PLCB1: variants seen among roughly 807,000 people sequenced by gnomAD.
PLCB1 encodes the protein phospholipase C beta 1, also known as 1-phosphatidylinositol 4,5-bisphosphate phosphodiesterase beta-1.
A neutral mutation model predicts 161.8 loss-of-function variants in PLCB1; 46 were observed. The observed-to-expected ratio is 0.28, with a 90% CI of 0.22 to 0.36. The LOEUF (loss-of-function observed/expected upper bound fraction) is 0.36, where lower values mean the gene tolerates loss of function less well. Among genes scored for constraint, PLCB1 ranks in the 10% least tolerant of loss-of-function variants. PLCB1 has a pLI of 1.00. For missense variants in PLCB1, 1,016 were observed against 1,472.5 expected (o/e 0.69, Z 5.07); for synonymous variants, 517 against 503.7 (o/e 1.03, Z -0.35).
At chr20:8,728,130 T>C (rs904669146) in intron 17 of PLCB1, among the ~76,000 whole-genome samples, 2 of 152,254 alleles carry the variant, frequency 1.3e-5, no homozygotes, top group Non-Finnish European at 2.9e-5. Context: ...GTATTCCTTA[T>C]TGACTGTGTG....
chr20:8,391,796 T>TACACACAC (rs1987605036), intron 3 of PLCB1, among the ~76,000 whole-genome samples: 2 of 122,796 alleles, frequency 1.6e-5, no homozygotes, highest in East Asian at 4.9e-4. Flanking sequence ...TATATATATA[T>TACACACAC]ATATATATAT....
chr20:8,389,818 C>A (rs1401528584), intron 3 of PLCB1, among the ~76,000 whole-genome samples: 1 of 152,114 alleles, frequency 6.6e-6, no homozygotes, highest in Non-Finnish European at 1.5e-5. Flanking sequence ...GTGCAGGCCA[C>A]ACCCCAATCA....
At chr20:8,516,701 ATATATATATG>A (rs1186786328) in intron 3 of PLCB1, among the ~76,000 whole-genome samples, 3,883 of 111,180 alleles carry the variant, frequency 0.035, 114 homozygotes, top group Non-Finnish European at 0.048. Flanking sequence ...ATATATATAT[ATATATATATG>A]TATTCCATTT....
At chr20:8,450,664 A>T (rs1163852647) in intron 3 of PLCB1, among the ~76,000 whole-genome samples, 4 of 152,138 alleles carry the variant, frequency 2.6e-5, no homozygotes, top group South Asian at 4.1e-4. Context: ...TGAAAGCATG[A>T]TCTCTTCTTA....
chr20:8,583,838 G>A (rs2123086976), intron 3 of PLCB1, among the ~76,000 whole-genome samples: 1 of 152,272 alleles, frequency 6.6e-6, no homozygotes, highest in South Asian at 2.1e-4. Context: ...ATCATGTGGA[G>A]CAGCGGTTTA....
chr20:8,236,804 G>T (rs1048095093), intron 2 of PLCB1, among the ~76,000 whole-genome samples: 1 of 151,852 alleles, frequency 6.6e-6, no homozygotes. Flanking sequence ...AGAAATATGG[G>T]TAAACGATAT....
At chr20:8,249,005 G>A (rs1981015093) in intron 2 of PLCB1, among the ~76,000 whole-genome samples, 1 of 151,886 alleles carries the variant, frequency 6.6e-6, no homozygotes, top group Admixed American at 6.6e-5. Context: ...AACTTAAAAA[G>A]AAAGCAAAGG....
chr20:8,181,020 A>C (rs2051836425), intron 2 of PLCB1, among the ~76,000 whole-genome samples: 1 of 151,778 alleles, frequency 6.6e-6, no homozygotes, highest in African/African-American at 2.4e-5. Context: ...GGAGGCCGAG[A>C]GAGGCGGATT....
intron 3 of PLCB1, among the ~76,000 whole-genome samples, chr20:8,505,623 G>A (rs960842411): frequency 2.0e-5 from 3 of 152,192 alleles, no homozygotes; most frequent in African/African-American, 7.2e-5. Flanking sequence ...CATGAAATAT[G>A]TTCTGTTTTG....
intron 2 of PLCB1, among the ~76,000 whole-genome samples, chr20:8,227,564 TTTTA>T (rs1420413095): frequency 6.6e-6 from 1 of 152,196 alleles, no homozygotes; most frequent in Non-Finnish European, 1.5e-5. Flanking sequence ...AGTGAGTCCA[TTTTA>T]TTTGTCTGAC....
At chr20:8,324,942 C>T (rs1985086325) in intron 2 of PLCB1, among the ~76,000 whole-genome samples, 1 of 152,120 alleles carries the variant, frequency 6.6e-6, no homozygotes, top group Non-Finnish European at 1.5e-5. Context: ...AGTAATTTTC[C>T]AAGAATGAAA....
In PLCB1 at chr20:8,399,540, G is replaced by A. The variant is rs373246174; in HGVS notation, c.246+28090G>A. Among the ~76,000 whole-genome samples the A allele has an allele frequency of 4.6e-5, 7 of 152,040 alleles. No individual in the cohort carries two copies. In the East Asian group the frequency reaches 9.7e-4, roughly 21 times the overall value. ...AATTCAAGTTCTATAAGGGAAAAGT[G>A]GATTCTTATTCTAGAATAACAAAAC... On this transcript the variant is annotated intron_variant, in intron 3 of 31. Coordinates refer to ENST00000338037, the MANE Select transcript of PLCB1 (RefSeq NM_015192.4).
At chr20:8,369,624 C>T (rs533021582) in intron 2 of PLCB1, among the ~76,000 whole-genome samples, 91 of 152,316 alleles carry the variant, frequency 6.0e-4, no homozygotes, top group Middle Eastern at 3.4e-3. Context: ...ACTGTGGCAC[C>T]AGTCACTCTG....
At chr20:8,398,747 C>A (rs1423656417) in intron 3 of PLCB1, among the ~76,000 whole-genome samples, 1 of 152,024 alleles carries the variant, frequency 6.6e-6, no homozygotes, top group Admixed American at 6.6e-5. Flanking sequence ...TAGCACAATG[C>A]TCATTTGCAT....
rs142874818 is a variant in PLCB1, at chr20:8,646,149, A to G, written c.432A>G (p.Gln144=). Residue 144 remains glutamine, a synonymous_variant, in exon 5 of 32, where the codon CAA becomes CAG. Transcript: ENST00000338037. ...VFSLATNLLA[Q]NMSRDAFLEK... ...GTTTGGCAACAAACCTGCTGGCCCA[A>G]AACATGTCCAGGGATGCATTTCTGG... The G allele has an allele frequency of 4.0e-5, 65 of 1,613,538 alleles. No homozygotes were observed. Among genetic ancestry groups the G allele is most frequent in the Non-Finnish European group, 4.7e-5 (55 of 1,179,544 alleles).
chr20:8,770,719 G>A (rs1200826598), intron 26 of PLCB1, among the ~76,000 whole-genome samples: 2 of 152,172 alleles, frequency 1.3e-5, no homozygotes, highest in East Asian at 1.9e-4. Flanking sequence ...GAGACAAATG[G>A]TTGCATTCTT....
chr20:8,684,392 A>G (rs1990307514), intron 9 of PLCB1, among the ~76,000 whole-genome samples: 2 of 151,754 alleles, frequency 1.3e-5, no homozygotes, highest in Admixed American at 6.6e-5. Flanking sequence ...GAGTAGCTGG[A>G]TTACAGGCGC....
At chr20:8,645,338 A>G (rs1989140378) in intron 4 of PLCB1, among the ~76,000 whole-genome samples, 1 of 152,214 alleles carries the variant, frequency 6.6e-6, no homozygotes, top group Non-Finnish European at 1.5e-5. Context: ...ACATTATTTC[A>G]TTGAAGAGGG....
At chr20:8,656,819 G>A (rs1989472193) in intron 7 of PLCB1, among the ~76,000 whole-genome samples, 1 of 150,368 alleles carries the variant, frequency 6.7e-6, no homozygotes, top group Non-Finnish European at 1.5e-5. Context: ...AAATAATTCT[G>A]TCAAACAGAC....
Sources: gnomAD v4.1 joint callset for allele counts (sites outside exome capture counted in the v4.1 genomes callset) on GRCh38, gnomAD v4.1.1 for gene constraint, MANE v1.5 for transcripts, NCBI Gene and HGNC (gene_info 2026-07-23, HGNC 2026-07-21) for gene names.